The following MAG variants were observed in gnomAD, a reference collection of about 807,000 sequenced individuals.
The protein encoded by MAG is myelin-associated glycoprotein.
A neutral mutation model predicts 60.7 loss-of-function variants in MAG; 30 were observed. The observed-to-expected ratio is 0.49, with a 90% CI of 0.37 to 0.67. MAG has a LOEUF of 0.67. Ranked by LOEUF, MAG falls within the 30% of genes least tolerant of loss-of-function variation. The pLI, the probability that MAG is intolerant of heterozygous loss-of-function variation, is 0.00. For missense variants in MAG, 795 were observed against 851.7 expected, an observed-to-expected ratio of 0.93 and a Z score of 0.83; for synonymous variants, 384 against 376.8, an observed-to-expected ratio of 1.02 and a Z score of -0.22.
chr19:35,306,095 G>C (rs1400934490), intron 7 of MAG, among the ~76,000 whole-genome samples: 8 of 90,708 alleles, frequency 8.8e-5, no homozygotes, highest in African/African-American at 3.9e-4. Flanking sequence ...CTCCAGCCTG[G>C]ATGACAGAGC....
chr19:35,302,329 C>A, intron 6 of MAG, 119 bp from the exon 7 acceptor site: 1 of 1,244,154 alleles, frequency 8.0e-7, no homozygotes, highest in Non-Finnish European at 1.1e-6. Context: ...TCACCTGAGC[C>A]TTCCTGAACC....
chr19:35,306,267 T>C (rs2066485239), intron 7 of MAG, among the ~76,000 whole-genome samples: 1 of 145,004 alleles, frequency 6.9e-6, no homozygotes, highest in African/African-American at 2.6e-5. Context: ...TGCTACATAC[T>C]CTGTGGATAT....
intron 1 of MAG, among the ~76,000 whole-genome samples, chr19:35,292,644 GGTGTGTGT>G (rs74172714): frequency 2.0e-5 from 3 of 150,100 alleles, no homozygotes; most frequent in East Asian, 2.0e-4. Flanking sequence ...GCACATAGCA[GGTGTGTGT>G]GTGTGTGTGT....
In MAG at chr19:35,310,127, C is replaced by T. The variant is rs754395124; in HGVS notation, c.1485C>T (p.Gly495=). 3 of 1,609,908 alleles carry T rather than the reference C, an allele frequency of 1.9e-6. No individual in the cohort carries two copies. The highest frequency in any genetic ancestry group is 1.1e-5 in the South Asian group (1 of 90,942). ...TCTGCACCGCGAGGAACCTCTATGG[C>T]GCCAAGAGCCTGGAGCTGCCCTTCC... The part of the protein sequence containing the change: ...RVICTARNLY[G]AKSLELPFQG... Residue 495 remains glycine (G), a synonymous_variant, in exon 8 of 11, where the codon GGC becomes GGT. Transcript: ENST00000392213.
intron 9 of MAG, among the ~76,000 whole-genome samples, chr19:35,311,174 A>AT (rs1186731114): frequency 2.0e-5 from 3 of 151,792 alleles, no homozygotes; most frequent in South Asian, 2.1e-4. Context: ...TCTAAAAAAA[A>AT]TTTTTTTTTA....
At chr19:35,304,070 A>T (rs1047170739) in intron 7 of MAG, among the ~76,000 whole-genome samples, 1 of 152,188 alleles carries the variant, frequency 6.6e-6, no homozygotes, top group African/African-American at 2.4e-5. Flanking sequence ...TACACAGTAC[A>T]TGCTCTGTGC....
chr19:35,302,003 C>G lies in MAG; in HGVS notation c.971-445C>G, dbSNP rs2066452181. Reference sequence around the variant, plus strand: ...ACCCTGATTTTCCATACCCTCAGCCCCTTTATTTTTCTCTACACACTTCTT... The same window carrying G: ...ACCCTGATTTTCCATACCCTCAGCCGCTTTATTTTTCTCTACACACTTCTT... On this transcript the variant is annotated intron_variant, in intron 6 of 10. Transcript: ENST00000392213. 3.3e-5 allele frequency among the ~76,000 whole-genome samples: 5 copies of G among 152,292 alleles called. No individual in the cohort carries two copies. In the South Asian group the frequency reaches 8.3e-4, roughly 25 times the overall value.
Position 35,295,773 on chromosome 19 carries a change from C to T in MAG, c.207C>T (p.Tyr69=), listed in dbSNP as rs750754995. 2 of 1,613,764 alleles carry T rather than the reference C, an allele frequency of 1.2e-6. No homozygotes were observed. The highest frequency in any genetic ancestry group is 1.7e-5 in the Admixed American group (1 of 59,994). Residue 69 remains tyrosine (Y), a synonymous_variant, in exon 4 of 11, where the codon TAC becomes TAT. Transcript: ENST00000392213. This position sits in a 1 kb window ranked among gnomAD's most constrained non-coding sequence, Gnocchi z 5.8. ...WYFNSPYPKN[Y]PPVVFKSRTQ... ...TCAATAGCCCCTACCCCAAGAACTACCCCCCGGTGGTCTTCAAGTCGCGCA... is the reference window on the plus strand; with the variant it reads ...TCAATAGCCCCTACCCCAAGAACTATCCCCCGGTGGTCTTCAAGTCGCGCA...
rs2066531260 is a variant in MAG, at chr19:35,311,990, C to T, written c.1689C>T (p.Arg563=). The part of the protein sequence containing the change: ...NPPVLFSSDF[R]ISGAPEKYES... ...CCGTCCTGTTCAGCAGCGACTTCCGCATCTCTGGGGCACCAGAGAAGTACG... is the reference window on the plus strand; with the variant it reads ...CCGTCCTGTTCAGCAGCGACTTCCGTATCTCTGGGGCACCAGAGAAGTACG... The change falls in exon 10 of 11, where the codon CGC becomes CGT. Residue 563 remains arginine (R), a synonymous_variant. Transcript: ENST00000392213. The T allele has an allele frequency of 3.7e-6, 6 of 1,613,094 alleles. No individual in the cohort carries two copies. The East Asian group carries it at 1.3e-4, about 36-fold the overall frequency.
intron 4 of MAG, among the ~76,000 whole-genome samples, chr19:35,297,502 AAC>A (rs1404434795): frequency 8.6e-6 from 1 of 116,346 alleles, no homozygotes; most frequent in African/African-American, 3.4e-5. Flanking sequence ...CACCACACCA[AAC>A]ACACACCACA....
At chr19:35,294,781 A>C (rs755446050) in intron 2 of MAG, among the ~76,000 whole-genome samples, 6 of 152,142 alleles carry the variant, frequency 3.9e-5, no homozygotes, top group Non-Finnish European at 8.8e-5. Flanking sequence ...AATAATAACC[A>C]AATAAATAAA....
Position 35,294,513 on chromosome 19 carries a change from A to C in MAG, c.-24+223A>C, listed in dbSNP as rs567689670. 5.3e-4 allele frequency among the ~76,000 whole-genome samples: 81 copies of C among 152,376 alleles called. No homozygotes were observed. The Middle Eastern group carries it at 0.01, about 19-fold the overall frequency. On this transcript the variant is annotated intron_variant, in intron 2 of 10. Transcript: ENST00000392213. ...CTTAACCTCTCTGGACCTCAGCTAT[A>C]AAATGAGGATAATGCATCTTCCTCA...
chr19:35,307,665 C>A (rs573392867), intron 7 of MAG, among the ~76,000 whole-genome samples: 1 of 152,030 alleles, frequency 6.6e-6, no homozygotes, highest in South Asian at 2.1e-4. Flanking sequence ...CCAGCCTGGG[C>A]GACAGAGAGA....
intron 7 of MAG, among the ~76,000 whole-genome samples, chr19:35,307,202 T>C (rs2066492193): frequency 6.6e-6 from 1 of 152,244 alleles, no homozygotes; most frequent in African/African-American, 2.4e-5. Context: ...AGCAAGCATA[T>C]TGCAGCTCTG....
At chr19:35,299,983 G>C in intron 5 of MAG, 133 bp downstream of exon 5, 1 of 657,000 alleles carries the variant, frequency 1.5e-6, no homozygotes, top group Middle Eastern at 5.1e-4. Flanking sequence ...GCCAGGCAGG[G>C]ATTGGGGGGT....
rs2066457800 is a variant in MAG at position 35,302,702 on chromosome 19, G to A, written c.1225G>A (p.Val409Met). The change falls in exon 7 of 11, where the codon GTG (valine) becomes ATG (methionine). Residue 409 changes from valine to methionine, a missense_variant. By Grantham distance (21) the Val-to-Met change is conservative (BLOSUM62 1). Transcript: ENST00000392213. The part of the protein sequence containing the change: ...GQRATAFNLS[V>M]EFAPVLLLES... Reference sequence around the variant, plus strand: ...GAGGGCCACCGCCTTCAACCTGTCTGTGGAGTGTGAGTACCTTCCGCTCCC... The same window carrying A: ...GAGGGCCACCGCCTTCAACCTGTCTATGGAGTGTGAGTACCTTCCGCTCCC... 1 of 1,613,442 alleles carries A rather than the reference G, an allele frequency of 6.2e-7. No homozygotes were observed.
In MAG at chr19:35,299,797, C is replaced by T. The variant is rs2145611458; in HGVS notation, c.659C>T (p.Ser220Phe). Residue 220 changes from serine (S) to phenylalanine (F), a missense_variant, in exon 5 of 11, where the codon TCC becomes TTC. By Grantham distance (155) the Ser-to-Phe change is radical. Transcript: ENST00000392213. ...ANGHRLGCQA[S>F]FPNTTLQFEG... ...GGCCACAGGCTGGGCTGCCAGGCCT[C>T]CTTCCCCAACACCACCCTGCAGTTC... 2 of 1,541,768 alleles carry T rather than the reference C, an allele frequency of 1.3e-6. No individual in the cohort carries two copies. Among genetic ancestry groups the T allele is most frequent in the Non-Finnish European group, 1.7e-6 (2 of 1,148,382 alleles).
Position 35,295,807 on chromosome 19 carries a change from G to C in MAG, c.241G>C (p.Val81Leu). The change falls in exon 4 of 11, where the codon GTC becomes CTC. Residue 81 changes from valine to leucine, a missense_variant. Transcript: ENST00000392213. This position sits in a 1 kb window ranked among gnomAD's most constrained non-coding sequence, Gnocchi z 5.8. ...PVVFKSRTQV[V>L]HESFQGRSRL... ...GGTCTTCAAGTCGCGCACCCAAGTAGTCCACGAGAGCTTCCAGGGCCGCAG... is the reference window on the plus strand; with the variant it reads ...GGTCTTCAAGTCGCGCACCCAAGTACTCCACGAGAGCTTCCAGGGCCGCAG... 1 of 1,613,976 alleles carries C rather than the reference G, an allele frequency of 6.2e-7. No individual in the cohort carries two copies. The highest frequency in any genetic ancestry group is 8.5e-7 in the Non-Finnish European group (1 of 1,180,016).
chr19:35,303,085 G>A (rs897242801), intron 7 of MAG, among the ~76,000 whole-genome samples: 2 of 152,016 alleles, frequency 1.3e-5, no homozygotes, highest in African/African-American at 4.8e-5. Flanking sequence ...CACCACACCT[G>A]GCAAATTTTT....
Sources: gnomAD v4.1 joint callset for allele counts (sites outside exome capture counted in the v4.1 genomes callset) on GRCh38, gnomAD v4.1.1 for gene constraint, Gnocchi (gnomAD v3.1) non-coding constraint, MANE v1.5 for transcripts, NCBI Gene and HGNC (gene_info 2026-07-23, HGNC 2026-07-21) for gene names.